The following SMURF1 variants were observed in gnomAD, a reference collection of about 807,000 sequenced individuals.
The protein encoded by SMURF1 is SMAD specific E3 ubiquitin protein ligase 1.
SMURF1 carries 44 observed loss-of-function variants against 98.0 expected under a neutral mutation model. The ratio of observed to expected loss-of-function variants is 0.45; its 90% CI spans 0.35 to 0.58. The LOEUF is 0.58. SMURF1 is among the 20% of genes least tolerant of loss of function. The pLI is 0.00. For missense variants in SMURF1, 687 were observed against 938.4 expected (o/e 0.73, Z 3.50); for synonymous variants, 396 against 374.9 (o/e 1.06, Z -0.65).
chr7:99,133,556 G>A (rs1797921189), intron 1 of SMURF1, among the ~76,000 whole-genome samples: 1 of 150,706 alleles, frequency 6.6e-6, no homozygotes, highest in African/African-American at 2.5e-5. Context: ...TACGCCACTG[G>A]TGGAAAATGT....
In SMURF1 at chr7:99,118,234, C is replaced by T. The variant is rs541405124; in HGVS notation, c.55+25492G>A. Among the ~76,000 whole-genome samples, 6 of 152,276 alleles carry T rather than the reference C, an allele frequency of 3.9e-5. No individual in the cohort carries two copies. In the South Asian group the frequency reaches 6.2e-4, roughly 16 times the overall value. Reference sequence around the variant, plus strand: ...GTAAAATGATGCAGTGACTGGAAAACGGTTTGGCAGTCCCTCAAAATTTAA... The same window carrying T: ...GTAAAATGATGCAGTGACTGGAAAATGGTTTGGCAGTCCCTCAAAATTTAA... On this transcript the variant is annotated intron_variant, in intron 1 of 17. Coordinates refer to ENST00000361368, the MANE Select transcript of SMURF1 (RefSeq NM_181349.3).
In SMURF1 at chr7:99,040,365, A is replaced by C. The variant is rs181998544; in HGVS notation, c.1550+13T>G. ...GCCCTAAGCCAGGTGACCGGCCGTC[A>C]GTCAATACTTACAGGATCCACACCA... On this transcript the variant is annotated intron_variant, in intron 13 of 17. Transcript: ENST00000361368. 22 of 1,474,770 alleles carry C rather than the reference A, an allele frequency of 1.5e-5. No homozygotes were observed. The highest frequency in any genetic ancestry group is 1.8e-4 in the Middle Eastern group (1 of 5,464). The allele number at this position is 1,474,770 out of a possible 1,614,324, so 91.4% of individuals were successfully genotyped here.
intron 1 of SMURF1, among the ~76,000 whole-genome samples, chr7:99,103,219 C>G (rs369181340): frequency 6.6e-6 from 1 of 152,120 alleles, no homozygotes; most frequent in African/African-American, 2.4e-5. Context: ...AGACATGGAG[C>G]TTCTAATCTC....
chr7:99,037,706 G>A (rs966038317), intron 14 of SMURF1, among the ~76,000 whole-genome samples: 3 of 152,156 alleles, frequency 2.0e-5, no homozygotes, highest in South Asian at 2.1e-4. Flanking sequence ...CGATTTGCTC[G>A]CGAAAACAGG....
intron 1 of SMURF1, 125 bp downstream of exon 1, chr7:99,143,601 G>C (rs1173633525): frequency 2.7e-6 from 2 of 745,344 alleles, no homozygotes; most frequent in Non-Finnish European, 4.0e-6. Flanking sequence ...GCACGCCGAA[G>C]GGGGTGACGA....
At chr7:99,127,107 C>T (rs12531875) in intron 1 of SMURF1, among the ~76,000 whole-genome samples, 27,004 of 152,142 alleles carry the variant, frequency 0.18, 2,740 homozygotes, top group South Asian at 0.33. Flanking sequence ...TGGGACAACT[C>T]ACTTCTCACA....
At chr7:99,085,915 T>G (rs890300065) in intron 1 of SMURF1, among the ~76,000 whole-genome samples, 5 of 152,138 alleles carry the variant, frequency 3.3e-5, no homozygotes, top group African/African-American at 1.2e-4. Flanking sequence ...AAAGACAAAA[T>G]AAGCCAATTA....
intron 1 of SMURF1, among the ~76,000 whole-genome samples, chr7:99,107,540 G>T (rs1357739260): frequency 6.6e-6 from 1 of 152,174 alleles, no homozygotes; most frequent in African/African-American, 2.4e-5. Context: ...CTCATGAGGA[G>T]CTCCTAGAAA....
At chr7:99,132,104 G>A (rs1797883322) in intron 1 of SMURF1, among the ~76,000 whole-genome samples, 1 of 152,148 alleles carries the variant, frequency 6.6e-6, no homozygotes, top group Admixed American at 6.5e-5. Context: ...CCCCTGGAAT[G>A]GCCCAGAAGC....
Position 99,038,717 on chromosome 7 carries a change from G to A in SMURF1, c.1551-192C>T, listed in dbSNP as rs371429575. ...CCCTGAGACCACAGCTCTGTTTCCA[G>A]ATGTCCCGGCTCCTGGCTTCCACAG... On this transcript the variant is annotated intron_variant, in intron 13 of 17. Transcript: ENST00000361368. Among the ~76,000 whole-genome samples, 18 of 152,274 alleles carry A rather than the reference G, an allele frequency of 1.2e-4. No homozygotes were observed. The East Asian group carries it at 3.3e-3, about 28-fold the overall frequency.
In SMURF1 at chr7:99,035,576, C is replaced by T; in HGVS notation, c.1950G>A (p.Arg650=). 2 of 1,614,216 alleles carry T rather than the reference C, an allele frequency of 1.2e-6. No individual in the cohort carries two copies. Among genetic ancestry groups the T allele is most frequent in the Non-Finnish European group, 1.7e-6 (2 of 1,180,042 alleles). The change falls in exon 16 of 18, where the codon AGG becomes AGA. Residue 650 remains arginine, a synonymous_variant. Coordinates refer to ENST00000361368, the MANE Select transcript of SMURF1 (RefSeq NM_181349.3). ...VETFDEERRA[R]LLQFVTGSTR... ...TGGACCCAGTCACAAACTGCAGGAG[C>T]CTGGCCCTCCTTTCTTCATCGAACG... is the stretch of plus-strand genomic sequence containing the variant.
intron 1 of SMURF1, among the ~76,000 whole-genome samples, chr7:99,137,954 T>C (rs1235483303): frequency 6.6e-6 from 1 of 152,198 alleles, no homozygotes; most frequent in African/African-American, 2.4e-5. Flanking sequence ...TTTTTAAACA[T>C]AGCTCCATGG....
intron 1 of SMURF1, among the ~76,000 whole-genome samples, chr7:99,073,883 A>C (rs971682927): frequency 1.3e-5 from 2 of 152,218 alleles, no homozygotes; most frequent in African/African-American, 4.8e-5. Context: ...ATAGTAGCAC[A>C]GTTCCTAATA....
At chr7:99,071,373 G>A (rs1045617770) in intron 1 of SMURF1, among the ~76,000 whole-genome samples, 3 of 152,010 alleles carry the variant, frequency 2.0e-5, no homozygotes, top group Non-Finnish European at 2.9e-5. Flanking sequence ...AACGGGACAC[G>A]GAACTTTTTA....
intron 1 of SMURF1, among the ~76,000 whole-genome samples, chr7:99,131,635 T>G (rs1797874423): frequency 1.3e-5 from 2 of 152,144 alleles, no homozygotes; most frequent in Admixed American, 1.3e-4. Context: ...GGGGATGACT[T>G]GAGCCCAGGA....
rs149390504 is a variant in SMURF1 at position 99,036,816 on chromosome 7, A to G, written c.1809+251T>C. Among the ~76,000 whole-genome samples the G allele has an allele frequency of 4.6e-5, 7 of 152,286 alleles. No individual in the cohort carries two copies. The East Asian group carries it at 1.4e-3, about 29-fold the overall frequency. ...AGATCTTGCAAACAAGGGAAGCCAC[A>G]GCCACCTTGAACAGTTTCCCGGGAG... On this transcript the variant is annotated intron_variant, in intron 15 of 17. Transcript: ENST00000361368.
intron 1 of SMURF1, among the ~76,000 whole-genome samples, chr7:99,114,341 A>G (rs1020401018): frequency 2.0e-5 from 3 of 152,224 alleles, no homozygotes; most frequent in African/African-American, 7.2e-5. Context: ...CCATGCAAAC[A>G]GTAACCAACT....
At chr7:99,095,732 C>T (rs1796943133) in intron 1 of SMURF1, among the ~76,000 whole-genome samples, 1 of 152,216 alleles carries the variant, frequency 6.6e-6, no homozygotes, top group East Asian at 1.9e-4. Flanking sequence ...AAGATCTCAA[C>T]TTAGCCACGG....
In SMURF1 at chr7:99,057,240, G is replaced by A. The variant is rs772691458; in HGVS notation, c.368C>T (p.Pro123Leu). ...GCCACGAACTGCATCAGTATCTGAG[G>A]GGTTTAGTTTGCATAGATCCAAACG... is the stretch of plus-strand genomic sequence containing the variant. ...YQRLDLCKLN[P>L]SDTDAVRGQI... Residue 123 changes from proline (P) to leucine (L), a missense_variant, in exon 5 of 18, where the codon CCC (proline) becomes CTC (leucine). By Grantham distance (98) the Pro-to-Leu change is moderately conservative (BLOSUM62 -3). Coordinates refer to ENST00000361368, the MANE Select transcript of SMURF1 (RefSeq NM_181349.3). The A allele has an allele frequency of 1.2e-6, 2 of 1,613,998 alleles. No individual in the cohort carries two copies. The highest frequency in any genetic ancestry group is 1.7e-5 in the Admixed American group (1 of 59,984).
Sources: allele counts gnomAD v4.1 joint callset (sites outside exome capture counted in the v4.1 genomes callset), GRCh38; gene constraint gnomAD v4.1.1; transcripts MANE v1.5; gene names NCBI Gene and HGNC (gene_info 2026-07-23, HGNC 2026-07-21).